The following EYA4 variants were observed in gnomAD, a reference collection of about 807,000 sequenced individuals.
EYA4 encodes protein phosphatase EYA4.
In EYA4, 31 loss-of-function variants were observed where a neutral mutation model predicts 87.9. The observed-to-expected ratio is 0.35, with a 90% CI of 0.27 to 0.48. The LOEUF is 0.48. EYA4 is among the 20% of genes least tolerant of loss of function. EYA4 has a pLI of 0.99. For missense variants in EYA4, 678 were observed against 761.4 expected (o/e 0.89, Z 1.29); for synonymous variants, 263 against 270.6 (o/e 0.97, Z 0.28).
chr6:133,323,324 G>A (rs936305738), intron 2 of EYA4, among the ~76,000 whole-genome samples: 1 of 152,052 alleles, frequency 6.6e-6, no homozygotes, highest in South Asian at 2.1e-4. Flanking sequence ...AATTAAAGTG[G>A]CTCCAAGAAG....
intron 11 of EYA4, among the ~76,000 whole-genome samples, chr6:133,480,139 T>C (rs1796079427): frequency 2.0e-5 from 3 of 152,176 alleles, no homozygotes; most frequent in Admixed American, 2.0e-4. Flanking sequence ...AATTCTGACA[T>C]ACTAGCTCAT....
chr6:133,382,299 G>A (rs945268673), intron 2 of EYA4, 93 bp from the exon 3 acceptor site: 1 of 865,334 alleles, frequency 1.2e-6, no homozygotes, highest in African/African-American at 1.6e-5. Context: ...TAGAGAACTT[G>A]GTGAACAGAG....
rs542036379 is a variant in EYA4, at chr6:133,530,710, T to A, written c.*1905T>A. 1,137 of 985,986 alleles carry A rather than the reference T, an allele frequency of 1.2e-3. 1 individual carries two copies. Among genetic ancestry groups the A allele is most frequent in the Non-Finnish European group, 1.3e-3 (1,080 of 829,980 alleles). 61.1% of individuals were successfully genotyped at this position (985,986 alleles called of 1,614,324 possible). ...TATATTGGGTAGAAAGATATTGAGA[T>A]CCCAATTTTGTACAAGATTGTGATT... On this transcript the variant is annotated 3_prime_UTR_variant, in exon 20 of 20. Coordinates refer to ENST00000355286, the MANE Select transcript of EYA4 (RefSeq NM_004100.5).
chr6:133,499,711 C>A (rs1315067128), intron 13 of EYA4, among the ~76,000 whole-genome samples: 1 of 152,144 alleles, frequency 6.6e-6, no homozygotes, highest in Admixed American at 6.5e-5. Flanking sequence ...CACCATCAGA[C>A]ATTTGGTCCT....
intron 17 of EYA4, among the ~76,000 whole-genome samples, chr6:133,518,890 A>G (rs1232980731): frequency 1.3e-5 from 2 of 151,922 alleles, no homozygotes; most frequent in African/African-American, 4.8e-5. Context: ...CTGCTCCTGA[A>G]TGACTACTGG....
chr6:133,324,345 G>A (rs955693021), intron 2 of EYA4, among the ~76,000 whole-genome samples: 12 of 152,004 alleles, frequency 7.9e-5, no homozygotes, highest in East Asian at 3.9e-4. Flanking sequence ...TAATTTTGAC[G>A]GAAATGGAAG....
rs560409399 is a variant in EYA4 at position 133,452,364 on chromosome 6, T to C, written c.277+4185T>C. Reference sequence around the variant, plus strand: ...CTGATTTATGAAGATGAAATGTAAATGTAAATTATGTGGGTTACCTTTCGA... The same window carrying C: ...CTGATTTATGAAGATGAAATGTAAACGTAAATTATGTGGGTTACCTTTCGA... On this transcript the variant is annotated intron_variant, in intron 5 of 19. Coordinates refer to ENST00000355286, the MANE Select transcript of EYA4 (RefSeq NM_004100.5). 1.1e-3 allele frequency among the ~76,000 whole-genome samples: 164 copies of C among 152,244 alleles called. No homozygotes were observed. In the South Asian group the frequency reaches 0.018, roughly 17 times the overall value.
chr6:133,411,002 CCT>C (rs1276020684), intron 3 of EYA4, among the ~76,000 whole-genome samples: 5 of 151,908 alleles, frequency 3.3e-5, no homozygotes, highest in African/African-American at 1.2e-4. Context: ...CCCACCACCC[CCT>C]GACTTTCTGC....
chr6:133,447,164 TTCTTCTTAAAA>T (rs1792930251), intron 4 of EYA4, among the ~76,000 whole-genome samples: 1 of 152,188 alleles, frequency 6.6e-6, no homozygotes, highest in Non-Finnish European at 1.5e-5. Context: ...TTAAAAATGT[TTCTTCTTAAAA>T]GTGCTTTTTT....
At chr6:133,354,953 C>T (rs1202386492) in intron 2 of EYA4, among the ~76,000 whole-genome samples, 2 of 152,118 alleles carry the variant, frequency 1.3e-5, no homozygotes, top group Non-Finnish European at 2.9e-5. Flanking sequence ...CCTTGATTTT[C>T]CCCAGAACTT....
rs777202572 is a variant in EYA4, at chr6:133,466,160, G to T, written c.804+1302G>T. 2.0e-5 allele frequency among the ~76,000 whole-genome samples: 3 copies of T among 152,118 alleles called. No individual in the cohort carries two copies. In the South Asian group the frequency reaches 6.2e-4, roughly 31 times the overall value. On this transcript the variant is annotated intron_variant, in intron 10 of 19. Coordinates refer to ENST00000355286, the MANE Select transcript of EYA4 (RefSeq NM_004100.5). ...TGAAAATAAGATGGACAGAGGGTGG[G>T]ATGGGATATAGTGAATATAATAACA...
intron 13 of EYA4, among the ~76,000 whole-genome samples, chr6:133,499,285 G>A (rs1296587878): frequency 6.6e-6 from 1 of 152,084 alleles, no homozygotes; most frequent in African/African-American, 2.4e-5. Flanking sequence ...GAGTCCTGAG[G>A]AGCCTCGTGA....
chr6:133,329,718 A>G (rs921805521), intron 2 of EYA4, among the ~76,000 whole-genome samples: 3 of 152,136 alleles, frequency 2.0e-5, no homozygotes, highest in African/African-American at 7.2e-5. Context: ...AAAAGGCCTC[A>G]TATTTCCCCA....
chr6:133,343,632 C>T lies in EYA4; in HGVS notation c.34-38760C>T, dbSNP rs1262369756. Among the ~76,000 whole-genome samples the T allele has an allele frequency of 3.8e-5, 5 of 130,818 alleles. No homozygotes were observed. The East Asian group carries it at 1.0e-3, about 27-fold the overall frequency. 85.8% of individuals were successfully genotyped at this position (130,818 alleles called of 152,430 possible). A position where few individuals can be genotyped will look rare whatever the true frequency, so the allele number is the denominator to read the frequency against. On this transcript the variant is annotated intron_variant, in intron 2 of 19. Coordinates refer to ENST00000355286, the MANE Select transcript of EYA4 (RefSeq NM_004100.5). ...CACACTCTGGTAGACTGTTTTTCGG[C>T]GTCCTTACCTTGATAAGCTTAACAA... is the stretch of plus-strand genomic sequence containing the variant.
rs1404190477 is a variant in EYA4 at position 133,490,427 on chromosome 6, C to G, written c.1191+7312C>G. Among the ~76,000 whole-genome samples, 7 of 151,198 alleles carry G rather than the reference C, an allele frequency of 4.6e-5. 1 individual carries two copies. The highest frequency in any genetic ancestry group is 4.2e-4 in the South Asian group (2 of 4,790). ...ACAAAAAACCGTGACCCAGCGATCTCTTGCCTACAAGAAATACACTTCACC... is the reference window on the plus strand; with the variant it reads ...ACAAAAAACCGTGACCCAGCGATCTGTTGCCTACAAGAAATACACTTCACC... On this transcript the variant is annotated intron_variant, in intron 13 of 19. Transcript: ENST00000355286.
At chr6:133,528,618 A>G in intron 19 of EYA4, 107 bp from the exon 20 acceptor site, 1 of 868,968 alleles carries the variant, frequency 1.2e-6, no homozygotes, top group Non-Finnish European at 2.0e-6. Flanking sequence ...GGTGGACCAC[A>G]CATCCCTGTG....
intron 16 of EYA4, 33 bp downstream of exon 16, chr6:133,513,071 C>G: frequency 6.3e-7 from 1 of 1,586,702 alleles, no homozygotes; most frequent in Admixed American, 1.7e-5. Context: ...AACAAAGGTA[C>G]TCTGGGTATA....
chr6:133,363,753 G>A lies in EYA4; in HGVS notation c.34-18639G>A, dbSNP rs186667058. ...GCCTCCCAAAGTGCTGGGATTACAG[G>A]CGTGACCCACCGCGCCCGGCGAGAC... On this transcript the variant is annotated intron_variant, in intron 2 of 19. Coordinates refer to ENST00000355286, the MANE Select transcript of EYA4 (RefSeq NM_004100.5). Among the ~76,000 whole-genome samples, 513 of 152,192 alleles carry A rather than the reference G, an allele frequency of 3.4e-3. 2 individuals are homozygous for A. Among genetic ancestry groups the A allele is most frequent in the African/African-American group, 0.012 (480 of 41,536 alleles).
At chr6:133,248,084 A>G (rs1415778110) in intron 1 of EYA4, 1 of 152,102 alleles carries the variant, frequency 6.6e-6, no homozygotes, top group African/African-American at 2.4e-5. Flanking sequence ...ACTGATCAAA[A>G]TGTTCCCTGT....
Sources: gnomAD v4.1 joint callset for allele counts (sites outside exome capture counted in the v4.1 genomes callset) on GRCh38, gnomAD v4.1.1 for gene constraint, MANE v1.5 for transcripts, NCBI Gene and HGNC (gene_info 2026-07-23, HGNC 2026-07-21) for gene names.